The following CFAP77 variants were observed in gnomAD, a reference collection of about 807,000 sequenced individuals.
CFAP77 encodes the protein cilia- and flagella-associated protein 77.
In CFAP77, 25 loss-of-function variants were observed where a neutral mutation model predicts 31.1. That is an observed-to-expected ratio of 0.80 (90% CI 0.59 to 1.12). The LOEUF (loss-of-function observed/expected upper bound fraction) is 1.12. Among genes scored for constraint, CFAP77 ranks in the 50% most tolerant of loss-of-function variants. CFAP77 has a pLI of 0.00. For synonymous variants in CFAP77, 151 were observed against 159.9 expected (o/e 0.94, Z 0.42); for missense variants, 377 against 397.3 (o/e 0.95, Z 0.44).
chr9:132,441,964 T>C (rs1434550302), intron 1 of CFAP77, among the ~76,000 whole-genome samples: 1 of 152,204 alleles, frequency 6.6e-6, no homozygotes, highest in African/African-American at 2.4e-5. Flanking sequence ...GTTTGAGAAG[T>C]GCTGGGCCAG....
At chr9:132,464,862 C>T (rs947520539) in intron 1 of CFAP77, among the ~76,000 whole-genome samples, 8 of 151,892 alleles carry the variant, frequency 5.3e-5, no homozygotes, top group African/African-American at 7.3e-5. Context: ...GAGGCTGAGG[C>T]GGGTGGATCA....
chr9:132,414,338 C>T (rs1344223183), intron 1 of CFAP77, among the ~76,000 whole-genome samples: 2 of 152,162 alleles, frequency 1.3e-5, no homozygotes, highest in Non-Finnish European at 2.9e-5. Context: ...TAGAATTCAG[C>T]GTTGCTGAAT....
intron 1 of CFAP77, among the ~76,000 whole-genome samples, chr9:132,463,289 A>G (rs146538580): frequency 3.9e-5 from 6 of 152,304 alleles, no homozygotes; most frequent in African/African-American, 1.4e-4. Flanking sequence ...TTATGTGCAC[A>G]TATATACAAA....
intron 1 of CFAP77, among the ~76,000 whole-genome samples, chr9:132,452,606 A>G (rs1564208964): frequency 6.6e-6 from 1 of 152,186 alleles, no homozygotes; most frequent in Non-Finnish European, 1.5e-5. Context: ...TTGAACTGCC[A>G]CTAACATTGG....
intron 3 of CFAP77, among the ~76,000 whole-genome samples, chr9:132,503,164 A>G (rs1225351798): frequency 6.6e-6 from 1 of 152,200 alleles, no homozygotes; most frequent in East Asian, 1.9e-4. Context: ...ACTCCTGTAC[A>G]TCGTCCTCCC....
At chr9:132,422,082 C>G (rs1353760285) in intron 1 of CFAP77, among the ~76,000 whole-genome samples, 1 of 151,998 alleles carries the variant, frequency 6.6e-6, no homozygotes, top group East Asian at 1.9e-4. Context: ...AATCTCAGCT[C>G]ATTGCAACCT....
Position 132,439,234 on chromosome 9 carries a change from T to C in CFAP77, c.195+28768T>C, listed in dbSNP as rs140970123. Among the ~76,000 whole-genome samples, 4 of 152,290 alleles carry C rather than the reference T, an allele frequency of 2.6e-5. No individual in the cohort carries two copies. The East Asian group carries it at 5.8e-4, about 22-fold the overall frequency. ...TTGAACATGATGTTTCACTCTGCAC[T>C]GTACCCAGCCCTGAGTCCTGAAGAA... On this transcript the variant is annotated intron_variant, in intron 1 of 5. Transcript: ENST00000393216.
At chr9:132,502,421 C>T (rs1236472247) in intron 3 of CFAP77, among the ~76,000 whole-genome samples, 2 of 152,024 alleles carry the variant, frequency 1.3e-5, no homozygotes, top group Admixed American at 6.6e-5. Context: ...GTTGTGTGAC[C>T]GTCACCACCA....
rs907132912 is a variant in CFAP77 at position 132,469,663 on chromosome 9, T to TA, written c.196-29023dup. ...AAAGTATTTCATTTGCCCACCTTTT[T>TA]AAAAAAAAACTTTTAATTTTGAAAT... On this transcript the variant is annotated intron_variant, in intron 1 of 5. Transcript: ENST00000393216. Among the ~76,000 whole-genome samples the TA allele has an allele frequency of 1.2e-3, 188 of 151,584 alleles. 3 individuals are homozygous for TA. Among genetic ancestry groups the TA allele is most frequent in the African/African-American group, 1.4e-3 (59 of 41,308 alleles).
chr9:132,547,090 G>T (rs992786249), intron 5 of CFAP77, among the ~76,000 whole-genome samples: 1 of 152,194 alleles, frequency 6.6e-6, no homozygotes, highest in African/African-American at 2.4e-5. Context: ...GGAGCCGCTG[G>T]GCTGGGGCTG....
Position 132,554,619 on chromosome 9 carries a change from G to A in CFAP77, c.732+11572G>A, listed in dbSNP as rs974299462. On this transcript the variant is annotated intron_variant, in intron 5 of 5. Coordinates refer to ENST00000393216, the MANE Select transcript of CFAP77 (RefSeq NM_001282957.2). The surrounding 1 kb of genome is among the most constrained non-coding windows in gnomAD (Gnocchi z 4.1). ...CCCAAAGTGTTAGGATCACAGGCAT[G>A]AGCCACTATGCCCAGCCCTTAAATA... Among the ~76,000 whole-genome samples the A allele has an allele frequency of 1.3e-5, 2 of 152,212 alleles. No homozygotes were observed. Among genetic ancestry groups the A allele is most frequent in the Admixed American group, 6.5e-5 (1 of 15,286 alleles).
chr9:132,515,724 G>A (rs1016271398), intron 3 of CFAP77, among the ~76,000 whole-genome samples: 6 of 152,092 alleles, frequency 3.9e-5, no homozygotes, highest in Non-Finnish European at 7.4e-5. Context: ...GCAGAGAGAG[G>A]ATAGAGAACT....
At chr9:132,493,489 A>G (rs560134079) in intron 1 of CFAP77, among the ~76,000 whole-genome samples, 2 of 152,352 alleles carry the variant, frequency 1.3e-5, no homozygotes, top group Non-Finnish European at 2.9e-5. Flanking sequence ...CAGAGAGCAC[A>G]TTGCTCCATC....
At chr9:132,529,719 G>A (rs1216313353) in intron 3 of CFAP77, among the ~76,000 whole-genome samples, 10 of 151,392 alleles carry the variant, frequency 6.6e-5, no homozygotes, top group African/African-American at 2.4e-4. Flanking sequence ...CCAGCTACTC[G>A]GGAGGCTGAC....
At chr9:132,510,784 C>A (rs1433459276) in intron 3 of CFAP77, among the ~76,000 whole-genome samples, 1 of 151,536 alleles carries the variant, frequency 6.6e-6, no homozygotes, top group African/African-American at 2.4e-5. Context: ...AAGCTAGAAA[C>A]CGCTGGAGCC....
chr9:132,500,970 C>T (rs1047802757), intron 3 of CFAP77, among the ~76,000 whole-genome samples: 12 of 152,376 alleles, frequency 7.9e-5, no homozygotes, highest in African/African-American at 2.6e-4. Flanking sequence ...ACTGCTCTCT[C>T]TTCTTCCAGA....
At chr9:132,478,758 A>G (rs1374248450) in intron 1 of CFAP77, among the ~76,000 whole-genome samples, 1 of 152,214 alleles carries the variant, frequency 6.6e-6, no homozygotes, top group Non-Finnish European at 1.5e-5. Flanking sequence ...GATGGAGTTC[A>G]TTTGCATTTA....
intron 3 of CFAP77, among the ~76,000 whole-genome samples, chr9:132,502,272 T>A (rs1851859485): frequency 1.5e-5 from 2 of 132,044 alleles, no homozygotes; most frequent in African/African-American, 5.8e-5. Context: ...TATATTTTTT[T>A]TTTTTGGGGG....
At chr9:132,437,585 C>G (rs899247323) in intron 1 of CFAP77, among the ~76,000 whole-genome samples, 3 of 146,074 alleles carry the variant, frequency 2.1e-5, no homozygotes, top group African/African-American at 7.7e-5. Flanking sequence ...TCTCGGCTCT[C>G]TGCAAACTCC....
Sources: gnomAD v4.1 joint callset for allele counts (sites outside exome capture counted in the v4.1 genomes callset) on GRCh38, gnomAD v4.1.1 for gene constraint, Gnocchi (gnomAD v3.1) non-coding constraint, MANE v1.5 for transcripts, NCBI Gene and HGNC (gene_info 2026-07-23, HGNC 2026-07-21) for gene names.